Variants in MYB observed in about 807,000 individuals in gnomAD.
The protein encoded by MYB is MYB proto-oncogene, transcription factor.
In MYB, 28 loss-of-function variants were observed where a neutral mutation model predicts 92.9. The observed-to-expected ratio is 0.30, with a 90% CI of 0.22 to 0.41. MYB has a LOEUF of 0.41. Among genes scored for constraint, MYB ranks in the 10% least tolerant of loss-of-function variants. The pLI is 1.00. For synonymous variants in MYB, 295 were observed against 329.1 expected, an observed-to-expected ratio of 0.90 and a Z score of 1.12; for missense variants, 679 against 929.3, an observed-to-expected ratio of 0.73 and a Z score of 3.50.
chr6:135,199,038 A>G lies in MYB; in HGVS notation c.1697A>G (p.Lys566Arg), dbSNP rs1325263166. 6.2e-7 allele frequency: 1 copy of G among 1,601,022 alleles called. No individual in the cohort carries two copies. The highest frequency in any genetic ancestry group is 1.1e-5 in the South Asian group (1 of 87,848). Residue 566 changes from lysine (K) to arginine (R), a missense_variant, in exon 11 of 16, where the codon AAG becomes AGG. By Grantham distance (26) the Lys-to-Arg change is conservative. Around this residue, in one of 8 missense-constraint regions of MYB, gnomAD observed 402 missense variants for 434.2 expected, o/e 0.93. Transcript: ENST00000341911. ...AGAGACCAGACTGTGAAAACTCAAA[A>G]GGAAAATACTGTGTAAGTCTTTGGT... ...FHRDQTVKTQ[K>R]ENTVFRTPAI...
At chr6:135,189,961 G>A in intron 4 of MYB, 78 bp downstream of exon 4, 2 of 1,495,340 alleles carry the variant, frequency 1.3e-6, no homozygotes, top group South Asian at 2.4e-5. Context: ...ATTTGAGGAA[G>A]CAGGTAAAAT....
rs902817143 is a variant in MYB, at chr6:135,203,598, A to T, written c.2169+274A>T. 43 of 810,474 alleles carry T rather than the reference A, an allele frequency of 5.3e-5. No homozygotes were observed. In the African/African-American group the frequency reaches 6.8e-4, roughly 13 times the overall value. 50.2% of individuals were successfully genotyped at this position (810,474 alleles called of 1,614,324 possible). A position where few individuals can be genotyped will look rare whatever the true frequency, so the allele number is the denominator to read the frequency against. ...TGAAACATTTCTTACTGTGACTGAG[A>T]CTAAGATGTATTACACGTGTGTCAC... is the stretch of plus-strand genomic sequence containing the variant. On this transcript the variant is annotated intron_variant, in intron 15 of 15. Transcript: ENST00000341911.
At chr6:135,198,142 G>A (rs368360687) in intron 10 of MYB, among the ~76,000 whole-genome samples, 99 of 152,334 alleles carry the variant, frequency 6.5e-4, no homozygotes, top group African/African-American at 2.3e-3. Context: ...ATCAAACAAA[G>A]TTACAAGTAG....
chr6:135,205,101 G>A (rs72974197), intron 15 of MYB, among the ~76,000 whole-genome samples: 4,763 of 152,154 alleles, frequency 0.031, 105 homozygotes, highest in Non-Finnish European at 0.05. Flanking sequence ...TGGGAGATGA[G>A]GAAGAGAATG....
chr6:135,217,365 G>A, intron 15 of MYB, among the ~76,000 whole-genome samples: 1 of 125,740 alleles, frequency 8.0e-6, no homozygotes. Context: ...GCATGACTCT[G>A]TCTCAAAAAA....
chr6:135,204,466 G>A (rs558539217), intron 15 of MYB, among the ~76,000 whole-genome samples: 8 of 152,058 alleles, frequency 5.3e-5, no homozygotes, highest in South Asian at 2.1e-4. Context: ...CAACCCAGCC[G>A]TTTTTTTGTA....
chr6:135,203,916 T>C lies in MYB; in HGVS notation c.2169+592T>C, dbSNP rs747169889. ...TAACCCTAAAGTGGGTGTGTGTTGA[T>C]GAAATATAACCAATTCCAAATTAAT... On this transcript the variant is annotated intron_variant, in intron 15 of 15. Transcript: ENST00000341911. The C allele has an allele frequency of 1.5e-5, 17 of 1,147,780 alleles. 1 individual carries two copies. Among genetic ancestry groups the C allele is most frequent in the Non-Finnish European group, 1.8e-5 (17 of 920,844 alleles). The allele number at this position is 1,147,780 out of a possible 1,614,324, so 71.1% of individuals were successfully genotyped here. A position where few individuals can be genotyped will look rare whatever the true frequency, so the allele number is the denominator to read the frequency against.
chr6:135,203,427 T>G (rs1393656887), intron 15 of MYB, 103 bp downstream of exon 15: 2 of 934,016 alleles, frequency 2.1e-6, no homozygotes, highest in Admixed American at 4.9e-5. Flanking sequence ...GGTGGTCTGT[T>G]TTTCGTTTTC....
At chr6:135,209,125 T>C (rs777821612) in intron 15 of MYB, among the ~76,000 whole-genome samples, 9 of 152,148 alleles carry the variant, frequency 5.9e-5, no homozygotes, top group Non-Finnish European at 1.2e-4. Flanking sequence ...GAATCAGCCA[T>C]TTCCCCATGG....
rs545704827 is a variant in MYB, at chr6:135,212,224, C to CTTTTTTTTTTTTTTTT, written c.2170-5622_2170-5607dup. Among the ~76,000 whole-genome samples, 18 of 32,888 alleles carry CTTTTTTTTTTTTTTTT rather than the reference C, an allele frequency of 5.5e-4. 2 individuals are homozygous for CTTTTTTTTTTTTTTTT. Among genetic ancestry groups the CTTTTTTTTTTTTTTTT allele is most frequent in the African/African-American group, 1.1e-3 (10 of 8,776 alleles). The allele number at this position is 32,888 out of a possible 152,430, so 21.6% of individuals were successfully genotyped here. A position where few individuals can be genotyped will look rare whatever the true frequency, so the allele number is the denominator to read the frequency against. ...CATCTGATGAGTTGCTTTGGTTTTA[C>CTTTTTTTTTTTTTTTT]TTTTTTTTTTTTTTTTTTTTTTTTT... On this transcript the variant is annotated intron_variant, in intron 15 of 15. Coordinates refer to ENST00000341911, the MANE Select transcript of MYB (RefSeq NM_001130173.2).
At chr6:135,205,829 G>A (rs1267738143) in intron 15 of MYB, among the ~76,000 whole-genome samples, 1 of 152,162 alleles carries the variant, frequency 6.6e-6, no homozygotes, top group Non-Finnish European at 1.5e-5. Flanking sequence ...CAATACTTTG[G>A]GAAGCCAAGA....
chr6:135,206,205 C>CAAAAAAAAAAAAAA (rs67836018), intron 15 of MYB, among the ~76,000 whole-genome samples: 8 of 87,352 alleles, frequency 9.2e-5, no homozygotes, highest in Non-Finnish European at 1.3e-4. Context: ...GACTCCATCT[C>CAAAAAAAAAAAAAA]AAAAAAAAAA....
intron 3 of MYB, among the ~76,000 whole-genome samples, chr6:135,188,162 T>A (rs1776169341): frequency 6.6e-6 from 1 of 152,228 alleles, no homozygotes. Flanking sequence ...TCTTTTCATT[T>A]ATAGGATAAT....
intron 9 of MYB, among the ~76,000 whole-genome samples, chr6:135,196,236 GTTTT>G (rs1372595329): frequency 6.6e-6 from 1 of 151,540 alleles, no homozygotes; most frequent in Non-Finnish European, 1.5e-5. Context: ...TGAAGGAAGA[GTTTT>G]TTTTCACATT....
chr6:135,181,545 G>C lies in MYB; in HGVS notation c.23+9G>C. 8.6e-7 allele frequency: 1 copy of C among 1,165,700 alleles called. No homozygotes were observed. Among genetic ancestry groups the C allele is most frequent in the African/African-American group, 1.6e-5 (1 of 61,938 alleles). 72.2% of individuals were successfully genotyped at this position (1,165,700 alleles called of 1,614,324 possible). Reference sequence around the variant, plus strand: ...CGAAGACCCCGGCACAGGTAACGGGGAGCCGGGCGGGCGGCCGAGGGCGGG... The same window carrying C: ...CGAAGACCCCGGCACAGGTAACGGGCAGCCGGGCGGGCGGCCGAGGGCGGG... On this transcript the variant is annotated intron_variant, in intron 1 of 15. Transcript: ENST00000341911. This position sits in a 1 kb window ranked among gnomAD's most constrained non-coding sequence, Gnocchi z 5.3.
chr6:135,195,354 C>CGCCGTAT, intron 8 of MYB: 1 of 158,242 alleles, frequency 6.3e-6, no homozygotes, highest in South Asian at 1.2e-4. Context: ...ACTCCTGAGT[C>CGCCGTAT]CTCTAGCTTT....
chr6:135,194,874 T>C, intron 8 of MYB: 1 of 1,134,004 alleles, frequency 8.8e-7, no homozygotes, highest in Non-Finnish European at 1.1e-6. Flanking sequence ...ATTTGATGCA[T>C]GTTCAGTATA....
intron 9 of MYB, among the ~76,000 whole-genome samples, chr6:135,196,274 A>G (rs1019714621): frequency 1.3e-5 from 2 of 152,292 alleles, no homozygotes; most frequent in Middle Eastern, 3.4e-3. Flanking sequence ...TTCAAAAGTC[A>G]TATTTTTAAA....
intron 10 of MYB, among the ~76,000 whole-genome samples, chr6:135,197,845 A>C (rs766692323): frequency 2.6e-5 from 4 of 152,220 alleles, no homozygotes; most frequent in Non-Finnish European, 5.9e-5. Flanking sequence ...CAAATGCTTA[A>C]GGAAAAGAAC....
Sources: gnomAD v4.1 joint callset for allele counts (sites outside exome capture counted in the v4.1 genomes callset) on GRCh38, gnomAD v4.1.1 for gene constraint, gnomAD v4.1.1 regional missense constraint, Gnocchi (gnomAD v3.1) non-coding constraint, MANE v1.5 for transcripts, NCBI Gene and HGNC (gene_info 2026-07-23, HGNC 2026-07-21) for gene names.